The following EIF3J variants were observed in gnomAD, a reference collection of about 807,000 sequenced individuals.
EIF3J encodes the protein eukaryotic translation initiation factor 3 subunit J.
EIF3J carries 15 observed loss-of-function variants against 39.0 expected under a neutral mutation model. The observed-to-expected ratio is 0.38, with a 90% confidence interval of 0.26 to 0.59. The LOEUF (loss-of-function observed/expected upper bound fraction) is 0.59, where lower values mean the gene tolerates loss of function less well. Ranked by LOEUF, EIF3J falls within the 20% of genes least tolerant of loss-of-function variation. The pLI, the probability that EIF3J is intolerant of heterozygous loss-of-function variation, is 0.60. For synonymous variants in EIF3J, 98 were observed against 112.9 expected, an observed-to-expected ratio of 0.87 and a Z score of 0.84; for missense variants, 226 against 308.6, an observed-to-expected ratio of 0.73 and a Z score of 2.00.
chr15:44,538,892 C>G (rs180742221), intron 2 of EIF3J, among the ~76,000 whole-genome samples: 1 of 152,070 alleles, frequency 6.6e-6, no homozygotes, highest in African/African-American at 2.4e-5. Context: ...TTAACAAATG[C>G]AGAGAAAAGA....
At chr15:44,550,769 AC>A in intron 2 of EIF3J, 106 bp from the exon 3 acceptor site, 1 of 789,904 alleles carries the variant, frequency 1.3e-6, no homozygotes, top group Non-Finnish European at 2.1e-6. Flanking sequence ...TTAATGCAGT[AC>A]AAAAAAATAC....
At chr15:44,555,023 AAGACTT>A (rs1443727099) in intron 5 of EIF3J, among the ~76,000 whole-genome samples, 1 of 152,196 alleles carries the variant, frequency 6.6e-6, no homozygotes, top group East Asian at 1.9e-4. Context: ...CTGTTGTCTT[AAGACTT>A]AGACAGTAGG....
At chr15:44,554,394 A>C (rs995896284) in intron 4 of EIF3J, among the ~76,000 whole-genome samples, 159 bp from the exon 5 acceptor site, 4 of 151,666 alleles carry the variant, frequency 2.6e-5, no homozygotes, top group Admixed American at 6.6e-5. Context: ...AAAAAAAAAA[A>C]AAAAAACTAA....
chr15:44,540,541 G>T (rs756833658), intron 2 of EIF3J, among the ~76,000 whole-genome samples: 1 of 151,892 alleles, frequency 6.6e-6, no homozygotes, highest in South Asian at 2.1e-4. Flanking sequence ...CCAGAGTGCT[G>T]AGATTACAGG....
intron 2 of EIF3J, among the ~76,000 whole-genome samples, chr15:44,546,223 T>TA (rs1409543007): frequency 1.3e-5 from 2 of 152,232 alleles, no homozygotes; most frequent in Non-Finnish European, 2.9e-5. Context: ...CTAACTCTAG[T>TA]ATCACAGTTA....
chr15:44,547,928 C>T (rs905757429), intron 2 of EIF3J, among the ~76,000 whole-genome samples: 1 of 152,112 alleles, frequency 6.6e-6, no homozygotes, highest in East Asian at 1.9e-4. Flanking sequence ...ATAACTGAAT[C>T]ACTTTCAGAG....
Position 44,537,541 on chromosome 15 carries a change from A to G in EIF3J, c.147+114A>G, listed in dbSNP as rs2140886701. The stretch of plus-strand genomic sequence containing the variant: ...GCGGGCCGTGGGTCCAGGCGCGAGC[A>G]TAGGGCCTGGCGGTGCTCTCTTCCC... On this transcript the variant is annotated intron_variant, in intron 2 of 7. Coordinates refer to ENST00000261868, the MANE Select transcript of EIF3J (RefSeq NM_003758.4). The G allele has an allele frequency of 3.6e-6, 4 of 1,114,734 alleles. No individual in the cohort carries two copies. The East Asian group carries it at 1.2e-4, about 34-fold the overall frequency. 69.1% of individuals were successfully genotyped at this position (1,114,734 alleles called of 1,614,324 possible).
intron 2 of EIF3J, among the ~76,000 whole-genome samples, chr15:44,538,806 A>T (rs1169478827): frequency 6.6e-6 from 1 of 152,204 alleles, no homozygotes; most frequent in African/African-American, 2.4e-5. Context: ...CCTTGGGTTC[A>T]TATTGGTCCT....
rs773903382 is a variant in EIF3J at position 44,561,325 on chromosome 15, T to C, written c.*176T>C. 2 of 635,366 alleles carry C rather than the reference T, an allele frequency of 3.1e-6. No homozygotes were observed. The highest frequency in any genetic ancestry group is 4.8e-6 in the Non-Finnish European group (2 of 418,050). 39.4% of individuals were successfully genotyped at this position (635,366 alleles called of 1,614,324 possible). A position where few individuals can be genotyped will look rare whatever the true frequency, so the allele number is the denominator to read the frequency against. ...TAATGTGCAAATGAGGGAACTTGGA[T>C]CTTGCTGCCAAGGGGTTAAAATTGG... is the stretch of plus-strand genomic sequence containing the variant. On this transcript the variant is annotated 3_prime_UTR_variant, in exon 8 of 8. Coordinates refer to ENST00000261868, the MANE Select transcript of EIF3J (RefSeq NM_003758.4).
At chr15:44,541,061 C>A (rs572106607) in intron 2 of EIF3J, among the ~76,000 whole-genome samples, 1 of 152,302 alleles carries the variant, frequency 6.6e-6, no homozygotes, top group Non-Finnish European at 1.5e-5. Context: ...CAAGAAAAGA[C>A]TATGCTTTTC....
intron 7 of EIF3J, 150 bp downstream of exon 7, chr15:44,560,472 CTA>C (rs2082182600): frequency 1.6e-6 from 1 of 634,474 alleles, no homozygotes; most frequent in African/African-American, 1.9e-5. Context: ...AGTATGGGTG[CTA>C]TTACTGTCCT....
chr15:44,546,245 ACTAGCTGGTTTG>A (rs2082051937), intron 2 of EIF3J, among the ~76,000 whole-genome samples: 1 of 152,206 alleles, frequency 6.6e-6, no homozygotes, highest in South Asian at 2.1e-4. Context: ...TCAAATAATG[ACTAGCTGGTTTG>A]CTTTCAATCT....
chr15:44,554,345 C>T (rs935823007), intron 4 of EIF3J, among the ~76,000 whole-genome samples: 10 of 147,176 alleles, frequency 6.8e-5, no homozygotes, highest in Non-Finnish European at 1.5e-4. Context: ...CCACTGTGCT[C>T]CAGCCTTGGT....
chr15:44,559,630 C>T (rs2082174697), intron 6 of EIF3J, among the ~76,000 whole-genome samples: 1 of 151,808 alleles, frequency 6.6e-6, no homozygotes, highest in South Asian at 2.1e-4. Context: ...TGGTGTGAAC[C>T]CGGGAGGCGC....
At chr15:44,553,210 C>T (rs561427856) in intron 4 of EIF3J, among the ~76,000 whole-genome samples, 23 of 149,818 alleles carry the variant, frequency 1.5e-4, no homozygotes, top group Non-Finnish European at 2.2e-4. Flanking sequence ...AAGAAGAAAA[C>T]GGCCAGGCGT....
intron 2 of EIF3J, among the ~76,000 whole-genome samples, chr15:44,547,350 T>A (rs2082062215): frequency 6.8e-6 from 1 of 146,546 alleles, no homozygotes; most frequent in Non-Finnish European, 1.5e-5. Flanking sequence ...TCCATGTTGG[T>A]CAGGCTGGTC....
At position 44,562,167 on chromosome 15, in the gene EIF3J, A is replaced by C. The variant is rs2082205157; in HGVS notation, c.*1018A>C. On this transcript the variant is annotated 3_prime_UTR_variant, in exon 8 of 8. Coordinates refer to ENST00000261868, the MANE Select transcript of EIF3J (RefSeq NM_003758.4). ...GGGAGTACAGTTCTCTACGTTCTCT[A>C]CTAAATCTTAATAAATGCTTGACAT... 1 of 152,610 alleles carries C rather than the reference A, an allele frequency of 6.6e-6. No individual in the cohort carries two copies. The highest frequency in any genetic ancestry group is 2.4e-5 in the African/African-American group (1 of 41,448). 9.5% of individuals were successfully genotyped at this position (152,610 alleles called of 1,614,324 possible).
In EIF3J at chr15:44,554,590, A is replaced by G. The variant is rs751426065; in HGVS notation, c.332A>G (p.Glu111Gly). ...EPEEPKVLTPEEQLADKLRLK... is the reference protein window; with the variant it reads ...EPEEPKVLTPGEQLADKLRLK... ...GAAGAACCTAAAGTGCTAACACCAG[A>G]AGAACAATTAGCAGATAAACTGCGG... is the stretch of plus-strand genomic sequence containing the variant. The change falls in exon 5 of 8, where the codon GAA (glutamate) becomes GGA (glycine). Residue 111 changes from glutamate to glycine, a missense_variant. Glu to Gly is a moderately conservative substitution (Grantham distance 98). Around this residue, in one of 2 missense-constraint regions of EIF3J, gnomAD observed 143 missense variants for 156.0 expected, o/e 0.92. Coordinates refer to ENST00000261868, the MANE Select transcript of EIF3J (RefSeq NM_003758.4). 4 of 1,612,562 alleles carry G rather than the reference A, an allele frequency of 2.5e-6. No homozygotes were observed. The East Asian group carries it at 8.9e-5, about 36-fold the overall frequency.
intron 4 of EIF3J, among the ~76,000 whole-genome samples, chr15:44,553,864 C>T (rs1330666306): frequency 2.0e-5 from 3 of 152,064 alleles, no homozygotes; most frequent in African/African-American, 7.3e-5. Context: ...ACCAAGTTGC[C>T]CTAGAAAGGG....
Sources: allele counts gnomAD v4.1 joint callset (sites outside exome capture counted in the v4.1 genomes callset), GRCh38; gene constraint gnomAD v4.1.1; regional missense constraint gnomAD v4.1.1; transcripts MANE v1.5; gene names NCBI Gene and HGNC (gene_info 2026-07-23, HGNC 2026-07-21).